TBCK: variants seen among roughly 807,000 people sequenced by gnomAD.
The protein encoded by TBCK is TBC1 domain containing kinase, also known as TBC domain-containing protein kinase-like protein.
Under a neutral mutation model 113.4 loss-of-function variants are expected in TBCK, and 99 were observed. That is an observed-to-expected ratio of 0.87 (90% CI 0.74 to 1.03). TBCK has a LOEUF of 1.03. Among genes scored for constraint, TBCK ranks in the 50% least tolerant of loss-of-function variants. The pLI is 0.00. For missense variants in TBCK, 1,045 were observed against 1,061.3 expected, an observed-to-expected ratio of 0.98 and a Z score of 0.21; for synonymous variants, 369 against 370.8, an observed-to-expected ratio of 1.00 and a Z score of 0.05.
At chr4:106,194,128 T>G (rs1006719941) in intron 21 of TBCK, among the ~76,000 whole-genome samples, 4 of 152,062 alleles carry the variant, frequency 2.6e-5, no homozygotes, top group Non-Finnish European at 4.4e-5. Flanking sequence ...AACAACTGTT[T>G]TAATAAATTC....
In TBCK at chr4:106,071,626, G is replaced by A. The variant is rs182977953; in HGVS notation, c.2571+23856C>T. On this transcript the variant is annotated intron_variant, in intron 25 of 25. Coordinates refer to ENST00000394708, the MANE Select transcript of TBCK (RefSeq NM_001163435.3). Reference sequence around the variant, plus strand: ...ATGTCTATTAGGTGTGCTTGGTGCAGAGGTGAGTTCAAGTCCTGGATATCC... The same window carrying A: ...ATGTCTATTAGGTGTGCTTGGTGCAAAGGTGAGTTCAAGTCCTGGATATCC... Among the ~76,000 whole-genome samples, 88 of 152,318 alleles carry A rather than the reference G, an allele frequency of 5.8e-4. 3 individuals carry two copies. Among genetic ancestry groups the A allele is most frequent in the Admixed American group, 1.6e-3 (25 of 15,300 alleles).
chr4:106,114,965 C>T (rs1743318925), intron 24 of TBCK, among the ~76,000 whole-genome samples: 1 of 152,064 alleles, frequency 6.6e-6, no homozygotes, highest in African/African-American at 2.4e-5. Context: ...CCAGGGATAT[C>T]AACATTTATA....
intron 25 of TBCK, among the ~76,000 whole-genome samples, chr4:106,059,855 C>T (rs779881030): frequency 6.6e-5 from 10 of 151,694 alleles, no homozygotes; most frequent in African/African-American, 9.7e-5. Flanking sequence ...AATTCTTAAA[C>T]GAAATTAAAG....
chr4:106,224,072 C>T (rs114063742), intron 19 of TBCK, among the ~76,000 whole-genome samples: 2,277 of 151,686 alleles, frequency 0.015, 29 homozygotes, highest in Non-Finnish European at 0.025. Flanking sequence ...ATAGTACAAA[C>T]GATAATAAGA....
chr4:106,169,766 C>T (rs964153345), intron 23 of TBCK, among the ~76,000 whole-genome samples: 7 of 152,014 alleles, frequency 4.6e-5, no homozygotes, highest in African/African-American at 1.4e-4. Flanking sequence ...AATGTACAAT[C>T]AGTGGGAGCC....
intron 20 of TBCK, among the ~76,000 whole-genome samples, chr4:106,205,355 C>T (rs1035892985): frequency 1.3e-5 from 2 of 151,878 alleles, no homozygotes; most frequent in African/African-American, 4.8e-5. Context: ...AGTAAAAGAG[C>T]CATCTAAATT....
At chr4:106,304,299 C>A (rs1165420622) in intron 2 of TBCK, among the ~76,000 whole-genome samples, 1 of 152,104 alleles carries the variant, frequency 6.6e-6, no homozygotes, top group African/African-American at 2.4e-5. Context: ...CAGAGACTTC[C>A]CAGTTCAGAG....
rs1734144129 is a variant in TBCK, at chr4:106,045,532, A to C, written c.*1038T>G. 1 of 152,144 alleles carries C rather than the reference A, an allele frequency of 6.6e-6. No homozygotes were observed. Among genetic ancestry groups the C allele is most frequent in the Admixed American group, 6.5e-5 (1 of 15,274 alleles). The allele number at this position is 152,144 out of a possible 1,614,324, so 9.4% of individuals were successfully genotyped here. ...AAATGATCAACCACCCAAAGACTCT[A>C]TTTCCAGTTTTCCTTAAAGCTAGGT... On this transcript the variant is annotated 3_prime_UTR_variant, in exon 26 of 26. Coordinates refer to ENST00000394708, the MANE Select transcript of TBCK (RefSeq NM_001163435.3).
At chr4:106,189,324 CAG>C (rs1440390954) in intron 22 of TBCK, among the ~76,000 whole-genome samples, 1 of 134,552 alleles carries the variant, frequency 7.4e-6, no homozygotes, top group Non-Finnish European at 1.5e-5. Context: ...GCCTGGGTGA[CAG>C]AGTGAGACTC....
At chr4:106,242,326 G>C (rs1351825783) in intron 12 of TBCK, 144 bp downstream of exon 12, 2 of 450,166 alleles carry the variant, frequency 4.4e-6, no homozygotes, top group African/African-American at 4.1e-5. Context: ...TTGTACAGAT[G>C]CAATTCTACT....
intron 23 of TBCK, among the ~76,000 whole-genome samples, chr4:106,120,962 T>C (rs952642921): frequency 7.9e-5 from 12 of 152,094 alleles, no homozygotes; most frequent in Non-Finnish European, 1.5e-4. Context: ...CAAAGCTGGA[T>C]GGAGAATGAC....
intron 25 of TBCK, among the ~76,000 whole-genome samples, chr4:106,057,384 A>T (rs1260346243): frequency 6.6e-6 from 1 of 151,830 alleles, no homozygotes; most frequent in African/African-American, 2.4e-5. Context: ...AATACAAATA[A>T]AAAAGTTATT....
At position 106,294,915 on chromosome 4, in the gene TBCK, CTA is replaced by C. The variant is rs55993224; in HGVS notation, c.266+177_266+178del. Among the ~76,000 whole-genome samples, 20,573 of 152,122 alleles carry C rather than the reference CTA, an allele frequency of 0.14. 1,633 individuals are homozygous for C. Among genetic ancestry groups the C allele is most frequent in the South Asian group, 0.24 (1,168 of 4,814 alleles). On this transcript the variant is annotated intron_variant, in intron 3 of 25. Coordinates refer to ENST00000394708, the MANE Select transcript of TBCK (RefSeq NM_001163435.3). The stretch of plus-strand genomic sequence containing the variant: ...TACCTCACAAAAGATGAACACTGGA[CTA>C]TGTTAATGTTGAATTCATATGTAAT...
At chr4:106,251,085 C>A in intron 6 of TBCK, 1 of 342,174 alleles carries the variant, frequency 2.9e-6, no homozygotes, top group South Asian at 2.4e-5. Flanking sequence ...ATACCTTCAG[C>A]ATTTATGAGT....
chr4:106,217,449 G>GA (rs2149921723), intron 19 of TBCK, among the ~76,000 whole-genome samples: 1 of 152,298 alleles, frequency 6.6e-6, no homozygotes, highest in African/African-American at 2.4e-5. Context: ...CAGATGACAT[G>GA]ATTGTATATC....
At chr4:106,192,809 A>G (rs767388848) in intron 22 of TBCK, among the ~76,000 whole-genome samples, 1 of 152,006 alleles carries the variant, frequency 6.6e-6, no homozygotes, top group Non-Finnish European at 1.5e-5. Flanking sequence ...TTTCAGGCAA[A>G]TTTGATTCTG....
chr4:106,082,137 A>T (rs1738945191), intron 25 of TBCK, among the ~76,000 whole-genome samples: 1 of 152,264 alleles, frequency 6.6e-6, no homozygotes, highest in South Asian at 2.1e-4. Context: ...TGCCAAAAAT[A>T]CATATGCATG....
Position 106,116,202 on chromosome 4 carries a change from C to T in TBCK, c.2411+1G>A, listed in dbSNP as rs1267377664. ...TTTAAAACAGCATATGCAAAGGATA[C>T]TCTTCACTATTCCGGATGTCAACCA... On this transcript the variant is annotated splice_donor_variant, in intron 24 of 25. Transcript: ENST00000394708. LOFTEE classifies it high-confidence loss of function. The T allele has an allele frequency of 3.1e-6, 5 of 1,613,140 alleles. No individual in the cohort carries two copies.
At chr4:106,312,589 T>A (rs1768319663) in intron 1 of TBCK, among the ~76,000 whole-genome samples, 1 of 152,104 alleles carries the variant, frequency 6.6e-6, no homozygotes, top group Admixed American at 6.5e-5. Context: ...ACTCAGAAAT[T>A]CCACTCTTTA....
Sources: allele counts gnomAD v4.1 joint callset (sites outside exome capture counted in the v4.1 genomes callset), GRCh38; gene constraint gnomAD v4.1.1; transcripts MANE v1.5; gene names NCBI Gene and HGNC (gene_info 2026-07-23, HGNC 2026-07-21).